CHRNA3: variants seen among roughly 807,000 people sequenced by gnomAD.
CHRNA3 encodes neuronal acetylcholine receptor subunit alpha-3.
A neutral mutation model predicts 41.9 loss-of-function variants in CHRNA3; 34 were observed. The ratio of observed to expected loss-of-function variants is 0.81; its 90% CI spans 0.62 to 1.08. CHRNA3 has a LOEUF of 1.08. CHRNA3 is among the 50% of genes least tolerant of loss of function. The pLI is 0.00. For missense variants in CHRNA3, 542 were observed against 638.3 expected, an observed-to-expected ratio of 0.85 and a Z score of 1.63; for synonymous variants, 281 against 265.2, an observed-to-expected ratio of 1.06 and a Z score of -0.58.
rs772352701 is a variant in CHRNA3, at chr15:78,620,773, G to A, written c.22C>T (p.Leu8=). 51 of 1,496,326 alleles carry A rather than the reference G, an allele frequency of 3.4e-5. No homozygotes were observed. In the South Asian group the frequency reaches 5.3e-4, roughly 16 times the overall value. 92.7% of individuals were successfully genotyped at this position (1,496,326 alleles called of 1,614,324 possible). ...CGCGGCGGCGACAGCGCCAGGGGCA[G>A]CGAGAGCGGGCCAGAGCCCATGGCT... MGSGPLS[L]PLALSPPRLL... The change falls in exon 1 of 6, where the codon CTG becomes TTG. Residue 8 remains leucine (L), a synonymous_variant. Transcript: ENST00000326828.
chr15:78,619,147 C>A (rs1449443077), intron 1 of CHRNA3: 3 of 576,530 alleles, frequency 5.2e-6, no homozygotes, highest in African/African-American at 1.9e-5. Flanking sequence ...ACAGTGGTTG[C>A]AAGCCTGGGC....
At chr15:78,610,765 C>A (rs1019824830) in intron 4 of CHRNA3, among the ~76,000 whole-genome samples, 3 of 151,694 alleles carry the variant, frequency 2.0e-5, no homozygotes, top group African/African-American at 7.3e-5. Flanking sequence ...AAAAACCCTT[C>A]AAAAAATTAA....
chr15:78,610,363 G>A (rs2053363300), intron 4 of CHRNA3, among the ~76,000 whole-genome samples: 2 of 152,032 alleles, frequency 1.3e-5, no homozygotes, highest in African/African-American at 4.8e-5. Flanking sequence ...AACACAAATT[G>A]TAACAAACTG....
In CHRNA3 at chr15:78,601,526, G is replaced by A; in HGVS notation, c.1116C>T (p.Leu372=). Residue 372 remains leucine, a synonymous_variant, in exon 5 of 6, where the codon CTC becomes CTT. Transcript: ENST00000326828. ...TCAGATTTGAGAGCTCGGCACCGTA[G>A]AGGGGCCTCGGCTTCTGAGCGTTGC... ...NEGNAQKPRP[L]YGAELSNLNC... 1 of 1,614,206 alleles carries A rather than the reference G, an allele frequency of 6.2e-7. No homozygotes were observed. The highest frequency in any genetic ancestry group is 8.5e-7 in the Non-Finnish European group (1 of 1,180,044).
At position 78,596,537 on chromosome 15, in the gene CHRNA3, T is replaced by C. The variant is rs2053114113; in HGVS notation, c.*67A>G. 1 of 1,378,808 alleles carries C rather than the reference T, an allele frequency of 7.3e-7. No homozygotes were observed. Among genetic ancestry groups the C allele is most frequent in the Non-Finnish European group, 9.4e-7 (1 of 1,060,988 alleles). The allele number at this position is 1,378,808 out of a possible 1,614,324, so 85.4% of individuals were successfully genotyped here. ...AGCTTGATAACAGAAAGTACGTTCT[T>C]ACTAGGAAGCAGCCTCCTCCTGCCC... On this transcript the variant is annotated 3_prime_UTR_variant, in exon 6 of 6. Transcript: ENST00000326828.
intron 4 of CHRNA3, among the ~76,000 whole-genome samples, 179 bp from the exon 5 acceptor site, chr15:78,602,443 C>A (rs2053220963): frequency 6.6e-6 from 1 of 152,154 alleles, no homozygotes; most frequent in Admixed American, 6.5e-5. Flanking sequence ...GATACTGAGG[C>A]CCAAGCTCCC....
intron 3 of CHRNA3, 27 bp downstream of exon 3, chr15:78,618,590 A>C (rs749222021): frequency 6.2e-7 from 1 of 1,613,632 alleles, no homozygotes; most frequent in Non-Finnish European, 8.5e-7. Flanking sequence ...ACCAGGGGGC[A>C]GCAGTGCCTA....
intron 1 of CHRNA3, chr15:78,620,368 T>TGCGCGGGGCAGGGCGACGGGCA (rs149959208): frequency 0.23 from 61,241 of 260,672 alleles, 9,457 homozygotes; most frequent in Middle Eastern, 0.32. Context: ...TGGGAGCCAG[T>TGCGCGGGGCAGGGCGACGGGCA]GCGCGGGGCA....
intron 4 of CHRNA3, among the ~76,000 whole-genome samples, chr15:78,608,262 C>T (rs1031352885): frequency 1.3e-5 from 2 of 152,230 alleles, no homozygotes; most frequent in Non-Finnish European, 2.9e-5. Context: ...GGCAGACTGC[C>T]TCCTCAAGTG....
At chr15:78,610,301 C>T (rs1457866762) in intron 4 of CHRNA3, among the ~76,000 whole-genome samples, 1 of 152,160 alleles carries the variant, frequency 6.6e-6, no homozygotes, top group Non-Finnish European at 1.5e-5. Flanking sequence ...CACACCTATT[C>T]CAAAATTGAC....
Position 78,595,893 on chromosome 15 carries a change from C to CCCCG in CHRNA3, c.*710_*711insCGGG, listed in dbSNP as rs2053099472. ...CATGTGAGGACACAGCTAGAAGGCA[C>CCCCG]CCTTTGAGGAAGAGGACCCTCACCA... On this transcript the variant is annotated 3_prime_UTR_variant, in exon 6 of 6. Coordinates refer to ENST00000326828, the MANE Select transcript of CHRNA3 (RefSeq NM_000743.5). The CCCCG allele has an allele frequency of 9.2e-6, 1 of 109,206 alleles. No homozygotes were observed. Among genetic ancestry groups the CCCCG allele is most frequent in the African/African-American group, 4.6e-5 (1 of 21,686 alleles). 6.8% of individuals were successfully genotyped at this position (109,206 alleles called of 1,614,324 possible). A position where few individuals can be genotyped will look rare whatever the true frequency, so the allele number is the denominator to read the frequency against.
intron 4 of CHRNA3, among the ~76,000 whole-genome samples, chr15:78,610,174 A>G (rs2053360579): frequency 6.6e-6 from 1 of 152,086 alleles, no homozygotes; most frequent in Admixed American, 6.6e-5. Flanking sequence ...TCAACAAGAC[A>G]AAGTTAACAA....
Position 78,608,389 on chromosome 15 carries a change from C to T in CHRNA3, c.378-6125G>A, listed in dbSNP as rs553768171. ...AACTTCCAGAGGAACGATCAGGCAG[C>T]AGCATCTGTGGGTCACCAAGATCCA... On this transcript the variant is annotated intron_variant, in intron 4 of 5. Transcript: ENST00000326828. Among the ~76,000 whole-genome samples, 4 of 152,308 alleles carry T rather than the reference C, an allele frequency of 2.6e-5. No homozygotes were observed. In the South Asian group the frequency reaches 8.3e-4, roughly 32 times the overall value.
At position 78,620,709 on chromosome 15, in the gene CHRNA3, G is replaced by T. The variant is rs749844610; in HGVS notation, c.82+4C>A. 1.7e-5 allele frequency: 25 copies of T among 1,500,562 alleles called. No individual in the cohort carries two copies. The South Asian group carries it at 3.1e-4, about 18-fold the overall frequency. The allele number at this position is 1,500,562 out of a possible 1,614,324, so 93.0% of individuals were successfully genotyped here. On this transcript the variant is annotated splice_donor_region_variant and intron_variant, in intron 1 of 5. Coordinates refer to ENST00000326828, the MANE Select transcript of CHRNA3 (RefSeq NM_000743.5). ...CTCCGGAGCCCTAACGCCTGTGCGC[G>T]TACCTGGCAGCAGAGACAGCAGCAG...
At chr15:78,595,205 C>T, downstream of CHRNA3, 1 of 807,674 alleles carries the variant, frequency 1.2e-6, no homozygotes, top group Non-Finnish European at 1.5e-6. Context: ...TCGTATACAT[C>T]CCTGATCCCT....
At chr15:78,616,669 G>A (rs2053467274) in intron 4 of CHRNA3, among the ~76,000 whole-genome samples, 1 of 152,042 alleles carries the variant, frequency 6.6e-6, no homozygotes, top group South Asian at 2.1e-4. Flanking sequence ...GGCTGCCCAT[G>A]ACATACTCTC....
At chr15:78,617,686 G>A (rs1182220127) in intron 3 of CHRNA3, among the ~76,000 whole-genome samples, 4 of 152,178 alleles carry the variant, frequency 2.6e-5, no homozygotes. Context: ...CGGCCACAGA[G>A]GGAACGTGTG....
chr15:78,607,765 C>T lies in CHRNA3; in HGVS notation c.378-5501G>A, dbSNP rs533822676. On this transcript the variant is annotated intron_variant, in intron 4 of 5. Coordinates refer to ENST00000326828, the MANE Select transcript of CHRNA3 (RefSeq NM_000743.5). ...GCACTGTGCATGAGCCAAAGCAGGG[C>T]GAGGCATTGCCTCACTTGGGAAGCA... Among the ~76,000 whole-genome samples, 18 of 152,266 alleles carry T rather than the reference C, an allele frequency of 1.2e-4. No homozygotes were observed. In the South Asian group the frequency reaches 1.7e-3, roughly 14 times the overall value.
At position 78,607,766 on chromosome 15, in the gene CHRNA3, G is replaced by A. The variant is rs149173525; in HGVS notation, c.378-5502C>T. Among the ~76,000 whole-genome samples, 1,447 of 152,342 alleles carry A rather than the reference G, an allele frequency of 9.5e-3. 28 individuals carry two copies. The highest frequency in any genetic ancestry group is 0.033 in the African/African-American group (1,384 of 41,586). ...CACTGTGCATGAGCCAAAGCAGGGC[G>A]AGGCATTGCCTCACTTGGGAAGCAC... On this transcript the variant is annotated intron_variant, in intron 4 of 5. Transcript: ENST00000326828.
Sources: gnomAD v4.1 joint callset for allele counts (sites outside exome capture counted in the v4.1 genomes callset) on GRCh38, gnomAD v4.1.1 for gene constraint, MANE v1.5 for transcripts, NCBI Gene and HGNC (gene_info 2026-07-23, HGNC 2026-07-21) for gene names.